The following FKBP10 variants were observed in gnomAD, a reference collection of about 807,000 sequenced individuals.
FKBP10 encodes FKBP prolyl isomerase 10.
FKBP10 carries 34 observed loss-of-function variants against 53.7 expected under a neutral mutation model. The observed-to-expected ratio is 0.63, with a 90% CI of 0.48 to 0.84. FKBP10 has a LOEUF of 0.84. FKBP10 is among the 40% of genes least tolerant of loss of function. The probability of loss-of-function intolerance (pLI) is 0.00; values close to 1 mark genes in which losing one functional copy is unlikely to be tolerated. For synonymous variants in FKBP10, 324 were observed against 335.7 expected (o/e 0.97, Z 0.38); for missense variants, 748 against 797.8 (o/e 0.94, Z 0.75).
At chr17:41,821,527 A>G in intron 8 of FKBP10, 127 bp from the exon 9 acceptor site, 1 of 1,189,454 alleles carries the variant, frequency 8.4e-7, no homozygotes, top group Admixed American at 2.4e-5. Context: ...CTCCTTAAAC[A>G]TCCCATGCCC....
chr17:41,815,455 A>T (rs1350721063), intron 1 of FKBP10, among the ~76,000 whole-genome samples: 1 of 148,992 alleles, frequency 6.7e-6, no homozygotes, highest in Non-Finnish European at 1.5e-5. Context: ...CCCCGCGCCC[A>T]CACAACTTAG....
chr17:41,821,419 G>A lies in FKBP10; in HGVS notation c.1400-235G>A, dbSNP rs138555964. On this transcript the variant is annotated intron_variant, in intron 8 of 9. Coordinates refer to ENST00000321562, the MANE Select transcript of FKBP10 (RefSeq NM_021939.4). ...ATTATAATCATGAGCCACTGCGCTC[G>A]GCCCGAGACCGTAATCTGACTGGCA... 1.4e-3 allele frequency among the ~76,000 whole-genome samples: 214 copies of A among 152,228 alleles called. 1 individual carries two copies. The highest frequency in any genetic ancestry group is 3.5e-3 in the African/African-American group (144 of 41,538).
At position 41,822,424 on chromosome 17, in the gene FKBP10, G is replaced by C. The variant is rs781959555; in HGVS notation, c.*16G>C. On this transcript the variant is annotated 3_prime_UTR_variant, in exon 10 of 10. Coordinates refer to ENST00000321562, the MANE Select transcript of FKBP10 (RefSeq NM_021939.4). ...GGAGCTCTGAGGGGCAGGGAGCCTG[G>C]CCAGGCCTGAGACACAGAGGCCCAC... 1.3e-6 allele frequency: 2 copies of C among 1,588,966 alleles called. No individual in the cohort carries two copies. Among genetic ancestry groups the C allele is most frequent in the Non-Finnish European group, 1.7e-6 (2 of 1,167,458 alleles).
chr17:41,818,150 C>A lies in FKBP10; in HGVS notation c.453C>A (p.Asn151Lys), dbSNP rs2144055369. 1.9e-6 allele frequency: 3 copies of A among 1,613,856 alleles called. 1 individual carries two copies. In the South Asian group the frequency reaches 3.3e-5, roughly 18 times the overall value. The change falls in exon 3 of 10, where the codon AAC becomes AAA. Residue 151 changes from asparagine to lysine, a missense_variant. Asn to Lys is a moderately conservative substitution (Grantham distance 94). Coordinates refer to ENST00000321562, the MANE Select transcript of FKBP10 (RefSeq NM_021939.4). ...ATGTGGTTCTGCTGGATGTGTGGAA[C>A]AAGGAAGACACCGTGCAGGTGAGCA... The part of the protein sequence containing the change: ...YFDVVLLDVW[N>K]KEDTVQVSTL...
At chr17:41,815,329 T>G (rs1411811983) in intron 1 of FKBP10, among the ~76,000 whole-genome samples, 1 of 151,828 alleles carries the variant, frequency 6.6e-6, no homozygotes, top group African/African-American at 2.4e-5. Context: ...GCCTTAATTT[T>G]TCATATTTTA....
chr17:41,821,278 G>C (rs1375185897), intron 8 of FKBP10, among the ~76,000 whole-genome samples, 189 bp downstream of exon 8: 1 of 151,736 alleles, frequency 6.6e-6, no homozygotes, highest in Non-Finnish European at 1.5e-5. Flanking sequence ...ACCTGCCACC[G>C]TGCCCAGCTA....
Position 41,819,571 on chromosome 17 carries a change from G to A in FKBP10, c.959G>A (p.Gly320Asp), listed in dbSNP as rs782578403. ...NHTYNTYIGQGYIIPGMDQGL... is the reference protein window; with the variant it reads ...NHTYNTYIGQDYIIPGMDQGL... ...ACCTACAATACCTATATCGGGCAGG[G>A]TTACATCATCCCCGGGATGGACCAG... The change falls in exon 6 of 10, where the codon GGT becomes GAT. Residue 320 changes from glycine to aspartate, a missense_variant. Gly to Asp is a moderately conservative substitution (Grantham distance 94, BLOSUM62 -1). Transcript: ENST00000321562. The A allele has an allele frequency of 6.2e-7, 1 of 1,613,996 alleles. No homozygotes were observed. The highest frequency in any genetic ancestry group is 1.3e-5 in the African/African-American group (1 of 74,926).
At chr17:41,820,529 C>T in intron 7 of FKBP10, 68 bp downstream of exon 7, 1 of 1,525,976 alleles carries the variant, frequency 6.6e-7, no homozygotes, top group Non-Finnish European at 9.0e-7. Flanking sequence ...CTCCTCAGTG[C>T]ACCCCCGACG....
At chr17:41,818,339 G>A (rs781904492) in intron 3 of FKBP10, 43 bp from the exon 4 acceptor site, 30 of 1,613,960 alleles carry the variant, frequency 1.9e-5, no homozygotes, top group Non-Finnish European at 2.4e-5. Context: ...GCGGGAATCC[G>A]GGGCCCAGCC....
chr17:41,820,132 G>A, intron 6 of FKBP10, 137 bp from the exon 7 acceptor site: 1 of 1,249,952 alleles, frequency 8.0e-7, no homozygotes, highest in Non-Finnish European at 1.1e-6. Flanking sequence ...ATTGACTCTG[G>A]ACAAACATCC....
chr17:41,816,918 AGT>A (rs2047822931), intron 1 of FKBP10, 138 bp from the exon 2 acceptor site: 21 of 1,237,826 alleles, frequency 1.7e-5, no homozygotes, highest in Middle Eastern at 3.8e-4. Flanking sequence ...GGAGGTGAGA[AGT>A]GTGTGTGCGT....
chr17:41,820,673 C>A (rs2047879628), intron 7 of FKBP10: 1 of 669,532 alleles, frequency 1.5e-6, no homozygotes, highest in Non-Finnish European at 2.5e-6. Flanking sequence ...GTGAAGCCAA[C>A]AGTTGGGGGA....
chr17:41,820,775 A>G, intron 7 of FKBP10, 172 bp from the exon 8 acceptor site: 3 of 929,264 alleles, frequency 3.2e-6, no homozygotes, highest in Non-Finnish European at 4.7e-6. Flanking sequence ...CAAGATGAGA[A>G]GGGAACCCCA....
chr17:41,820,531 C>T (rs550132674), intron 7 of FKBP10, 70 bp downstream of exon 7: 257 of 1,498,174 alleles, frequency 1.7e-4, no homozygotes, highest in Non-Finnish European at 2.1e-4. Flanking sequence ...CCTCAGTGCA[C>T]CCCCGACGCC....
chr17:41,814,769 C>G (rs1172416925), intron 1 of FKBP10, among the ~76,000 whole-genome samples: 2 of 152,148 alleles, frequency 1.3e-5, no homozygotes, highest in African/African-American at 4.8e-5. Flanking sequence ...GCTGGAGGCT[C>G]ACTCTGTCGC....
At chr17:41,822,041 C>A (rs2047898616) in intron 9 of FKBP10, among the ~76,000 whole-genome samples, 182 bp from the exon 10 acceptor site, 1 of 152,118 alleles carries the variant, frequency 6.6e-6, no homozygotes, top group Non-Finnish European at 1.5e-5. Context: ...CACGCCTCCA[C>A]CCCAGCCCCC....
chr17:41,820,969 G>A lies in FKBP10; in HGVS notation c.1279G>A (p.Glu427Lys), dbSNP rs782360497. The change falls in exon 8 of 10, where the codon GAG (glutamate) becomes AAG (lysine). Residue 427 changes from glutamate to lysine, a missense_variant. Transcript: ENST00000321562. ...CAGGCATGACTACGGGGCCCCCCAG[G>A]AGGCGACTCTCGGGGCCAACAAGGT... ...FTSHDYGAPQ[E>K]ATLGANKVIE... The A allele has an allele frequency of 1.2e-5, 19 of 1,612,350 alleles. No individual in the cohort carries two copies. The highest frequency in any genetic ancestry group is 1.5e-5 in the Non-Finnish European group (18 of 1,179,586).
At position 41,820,477 on chromosome 17, in the gene FKBP10, G is replaced by C. The variant is rs200352479; in HGVS notation, c.1256+16G>C. On this transcript the variant is annotated intron_variant, in intron 7 of 9. Coordinates refer to ENST00000321562, the MANE Select transcript of FKBP10 (RefSeq NM_021939.4). Reference sequence around the variant, plus strand: ...TGTTCACCTCGTGGGTCCGGGGGGGGGCCGGGACTGGGCAGGTGGGTGGGC... The same window carrying C: ...TGTTCACCTCGTGGGTCCGGGGGGGCGCCGGGACTGGGCAGGTGGGTGGGC... 67 of 1,613,016 alleles carry C rather than the reference G, an allele frequency of 4.2e-5. No homozygotes were observed. Among genetic ancestry groups the C allele is most frequent in the East Asian group, 3.6e-4 (16 of 44,884 alleles).
chr17:41,822,349 G>A lies in FKBP10; in HGVS notation c.1690G>A (p.Val564Ile), dbSNP rs373068431. The change falls in exon 10 of 10, where the codon GTC becomes ATC. Residue 564 changes from valine (V) to isoleucine (I), a missense_variant. Val to Ile is a conservative substitution (Grantham distance 29). Transcript: ENST00000321562. Reference protein sequence around the residue: ...QDRNQDGKITVDELKLKSDED... With the variant: ...QDRNQDGKITIDELKLKSDED... ...CCGCAACCAGGACGGCAAGATCACA[G>A]TCGACGAGCTCAAGCTGAAGTCAGA... 18 of 1,613,244 alleles carry A rather than the reference G, an allele frequency of 1.1e-5. No homozygotes were observed. Among genetic ancestry groups the A allele is most frequent in the Non-Finnish European group, 1.4e-5 (17 of 1,179,702 alleles).
Sources: allele counts gnomAD v4.1 joint callset (sites outside exome capture counted in the v4.1 genomes callset), GRCh38; gene constraint gnomAD v4.1.1; transcripts MANE v1.5; gene names NCBI Gene and HGNC (gene_info 2026-07-23, HGNC 2026-07-21).